HCN1: variants seen among roughly 807,000 people sequenced by gnomAD.
The protein encoded by HCN1 is potassium/sodium hyperpolarization-activated cyclic nucleotide-gated channel 1.
In HCN1, 13 loss-of-function variants were observed where a neutral mutation model predicts 78.9. The observed-to-expected ratio is 0.16, with a 90% CI of 0.11 to 0.26. The LOEUF (loss-of-function observed/expected upper bound fraction) is 0.26. HCN1 is among the 10% of genes least tolerant of loss of function. The pLI is 1.00. For missense variants in HCN1, 810 were observed against 1,154.3 expected (o/e 0.70, Z 4.32); for synonymous variants, 552 against 455.5 (o/e 1.21, Z -2.70).
chr5:45,647,494 C>A (rs1490738616), intron 1 of HCN1, among the ~76,000 whole-genome samples: 1 of 152,124 alleles, frequency 6.6e-6, no homozygotes, highest in Non-Finnish European at 1.5e-5. Context: ...GGGTGTCACA[C>A]ATAGCCCTTT....
intron 2 of HCN1, among the ~76,000 whole-genome samples, chr5:45,635,724 A>G (rs186760499): frequency 6.4e-4 from 98 of 152,262 alleles, no homozygotes; most frequent in Non-Finnish European, 7.4e-5. Flanking sequence ...CATCAGCAAG[A>G]CAGAAAAAGA....
At chr5:45,650,351 T>A (rs528101557) in intron 1 of HCN1, among the ~76,000 whole-genome samples, 1 of 152,114 alleles carries the variant, frequency 6.6e-6, no homozygotes, top group South Asian at 2.1e-4. Context: ...GTATCCTGAA[T>A]AAGGTGCCAG....
chr5:45,523,734 G>A (rs1742666396), intron 2 of HCN1, among the ~76,000 whole-genome samples: 1 of 152,032 alleles, frequency 6.6e-6, no homozygotes, highest in Admixed American at 6.6e-5. Flanking sequence ...AAATTTCTTT[G>A]AGTTCATTGT....
chr5:45,278,398 G>GA lies in HCN1; in HGVS notation c.1619-11146dup, dbSNP rs549205429. Among the ~76,000 whole-genome samples the GA allele has an allele frequency of 5.0e-4, 76 of 152,122 alleles. 1 individual carries two copies. Among genetic ancestry groups the GA allele is most frequent in the Middle Eastern group, 6.8e-3 (2 of 294 alleles). ...GAATCAATCTTTGTGCAAGATAACA[G>GA]AAAAAATTTATTAGGCAAATAAAGA... is the stretch of plus-strand genomic sequence containing the variant. On this transcript the variant is annotated intron_variant, in intron 6 of 7. Transcript: ENST00000303230.
chr5:45,636,913 G>A (rs1745366432), intron 2 of HCN1, among the ~76,000 whole-genome samples: 1 of 151,746 alleles, frequency 6.6e-6, no homozygotes, highest in Non-Finnish European at 1.5e-5. Context: ...CACAATAAAG[G>A]GATAACAAAC....
chr5:45,348,002 G>A (rs1360097698), intron 5 of HCN1, among the ~76,000 whole-genome samples: 1 of 152,120 alleles, frequency 6.6e-6, no homozygotes, highest in Admixed American at 6.6e-5. Flanking sequence ...TCAGATTCAG[G>A]AAATACAGAG....
chr5:45,431,542 T>C (rs1333744261), intron 3 of HCN1, among the ~76,000 whole-genome samples: 1 of 152,230 alleles, frequency 6.6e-6, no homozygotes, highest in African/African-American at 2.4e-5. Flanking sequence ...TCCTAGGTTA[T>C]CTTCCAGGGT....
chr5:45,429,111 G>A (rs544525677), intron 3 of HCN1, among the ~76,000 whole-genome samples: 1 of 152,192 alleles, frequency 6.6e-6, no homozygotes, highest in African/African-American at 2.4e-5. Context: ...TATAGGTGAT[G>A]GAACTGATGC....
chr5:45,413,004 C>T (rs1740053274), intron 3 of HCN1, among the ~76,000 whole-genome samples: 1 of 151,968 alleles, frequency 6.6e-6, no homozygotes, highest in Admixed American at 6.6e-5. Flanking sequence ...ATTGAAAATG[C>T]AGTGTCTGGT....
intron 4 of HCN1, among the ~76,000 whole-genome samples, chr5:45,374,335 TTA>T (rs1378456278): frequency 2.9e-5 from 4 of 138,618 alleles, no homozygotes; most frequent in African/African-American, 1.1e-4. Context: ...ATTATATACA[TTA>T]TATATATATA....
chr5:45,580,057 GAC>G (rs1405884606), intron 2 of HCN1, among the ~76,000 whole-genome samples: 1 of 152,080 alleles, frequency 6.6e-6, no homozygotes, highest in African/African-American at 2.4e-5. Flanking sequence ...GTCCCGCTGA[GAC>G]CTTCAAGGAT....
chr5:45,319,316 A>T (rs1409333436), intron 5 of HCN1, among the ~76,000 whole-genome samples: 4 of 151,896 alleles, frequency 2.6e-5, no homozygotes, highest in Admixed American at 2.6e-4. Context: ...TTCCATCAAC[A>T]GGTGATGTTT....
intron 2 of HCN1, among the ~76,000 whole-genome samples, chr5:45,536,437 T>A (rs757106473): frequency 6.6e-6 from 1 of 152,202 alleles, no homozygotes; most frequent in Non-Finnish European, 1.5e-5. Flanking sequence ...TTATTTCCTG[T>A]CACCGCCAAT....
intron 2 of HCN1, among the ~76,000 whole-genome samples, chr5:45,578,404 A>G (rs1743990564): frequency 6.6e-6 from 1 of 151,852 alleles, no homozygotes; most frequent in African/African-American, 2.4e-5. Flanking sequence ...TGCAGCACAT[A>G]TTGTTTATTT....
At chr5:45,616,007 A>C (rs1354778869) in intron 2 of HCN1, among the ~76,000 whole-genome samples, 2 of 151,914 alleles carry the variant, frequency 1.3e-5, no homozygotes, top group African/African-American at 4.8e-5. Context: ...ATAATTTTAC[A>C]TACCCAGGAA....
intron 2 of HCN1, among the ~76,000 whole-genome samples, chr5:45,464,358 A>G (rs1007148224): frequency 2.6e-5 from 4 of 152,100 alleles, no homozygotes; most frequent in African/African-American, 7.2e-5. Context: ...TCTGCTACCA[A>G]ATAGTCATTC....
intron 1 of HCN1, among the ~76,000 whole-genome samples, chr5:45,653,923 TAATA>T (rs541802096): frequency 3.9e-5 from 6 of 152,024 alleles, no homozygotes; most frequent in South Asian, 2.1e-4. Flanking sequence ...AGTATAATAA[TAATA>T]AATAAATAAA....
At chr5:45,578,166 C>T (rs1743987726) in intron 2 of HCN1, among the ~76,000 whole-genome samples, 1 of 151,984 alleles carries the variant, frequency 6.6e-6, no homozygotes, top group Admixed American at 6.6e-5. Context: ...AGATGACCCA[C>T]CACAGTGTCC....
intron 5 of HCN1, among the ~76,000 whole-genome samples, chr5:45,344,025 A>G (rs554153277): frequency 3.3e-5 from 5 of 152,216 alleles, no homozygotes; most frequent in African/African-American, 4.8e-5. Context: ...TTTATAAACA[A>G]AAGAGCTTTA....
Sources: gnomAD v4.1 joint callset for allele counts (sites outside exome capture counted in the v4.1 genomes callset) on GRCh38, gnomAD v4.1.1 for gene constraint, MANE v1.5 for transcripts, NCBI Gene and HGNC (gene_info 2026-07-23, HGNC 2026-07-21) for gene names.